The following NFILZ variants were observed in gnomAD, a reference collection of about 807,000 sequenced individuals.
NFILZ encodes NFIL3 like protein.
chr19:8,647,748 A>AACACACACACAC (rs138740763), intron 3 of NFILZ, among the ~76,000 whole-genome samples: 1,455 of 135,370 alleles, frequency 0.011, 6 homozygotes, highest in Middle Eastern at 0.016. Context: ...GGAGGGGAAC[A>AACACACACACAC]ACACACACAC....
Position 8,663,744 on chromosome 19 carries a change from G to GTGTGTGTATGTGTGTGTA in NFILZ, c.-163-10800_-163-10799insATGTGTGTGTATGTGTGT, listed in dbSNP as rs1555749452. Among the ~76,000 whole-genome samples, 112 of 121,866 alleles carry GTGTGTGTATGTGTGTGTA rather than the reference G, an allele frequency of 9.2e-4. 1 individual carries two copies. Among genetic ancestry groups the GTGTGTGTATGTGTGTGTA allele is most frequent in the African/African-American group, 1.5e-3 (57 of 37,880 alleles). 79.9% of individuals were successfully genotyped at this position (121,866 alleles called of 152,430 possible). A position where few individuals can be genotyped will look rare whatever the true frequency, so the allele number is the denominator to read the frequency against. On this transcript the variant is annotated intron_variant, in intron 3 of 5. Coordinates refer to ENST00000691075, the MANE Select transcript of NFILZ (RefSeq NM_001378600.1). Reference sequence around the variant, plus strand: ...TGTTTGTGTGTGTGTGTGTGTGTGTGTGTGTGTGTGTGTGTGTGTGTGTGT... The same window carrying GTGTGTGTATGTGTGTGTA: ...TGTTTGTGTGTGTGTGTGTGTGTGTGTGTGTGTATGTGTGTGTATGTGTGTGTGTGTGTGTGTGTGTGT...
chr19:8,649,677 G>C (rs1189273951), intron 3 of NFILZ, among the ~76,000 whole-genome samples: 1 of 151,978 alleles, frequency 6.6e-6, no homozygotes, highest in East Asian at 1.9e-4. Context: ...CCCAGTCCCT[G>C]GGCAGGGTGG....
At chr19:8,656,318 TC>T (rs1555748377) in intron 3 of NFILZ, among the ~76,000 whole-genome samples, 2 of 85,262 alleles carry the variant, frequency 2.3e-5, no homozygotes, top group African/African-American at 7.0e-5. Flanking sequence ...GCGCACCTCC[TC>T]CCTGAAGCCC....
intron 3 of NFILZ, among the ~76,000 whole-genome samples, chr19:8,640,791 G>A (rs1216282827): frequency 6.6e-6 from 1 of 152,184 alleles, no homozygotes; most frequent in Non-Finnish European, 1.5e-5. Context: ...AGAGGTCAAA[G>A]TTACAGCAAC....
At chr19:8,648,983 G>T (rs1169415308) in intron 3 of NFILZ, among the ~76,000 whole-genome samples, 1 of 152,038 alleles carries the variant, frequency 6.6e-6, no homozygotes, top group Non-Finnish European at 1.5e-5. Flanking sequence ...TTAGTTTTGA[G>T]ACATGATCTT....
chr19:8,647,574 G>A (rs2042944098), intron 3 of NFILZ, among the ~76,000 whole-genome samples: 1 of 138,786 alleles, frequency 7.2e-6, no homozygotes, highest in African/African-American at 2.6e-5. Context: ...TTCTGTCCCC[G>A]CACCCCCCCC....
intron 3 of NFILZ, among the ~76,000 whole-genome samples, chr19:8,661,285 C>T (rs1315807569): frequency 6.6e-6 from 1 of 151,596 alleles, no homozygotes; most frequent in Admixed American, 6.6e-5. Flanking sequence ...ACCTCAGCCT[C>T]CCAAGTAGTT....
intron 3 of NFILZ, among the ~76,000 whole-genome samples, chr19:8,650,161 G>A (rs3098391): frequency 0.05 from 7,210 of 145,228 alleles, 419 homozygotes; most frequent in East Asian, 0.33. Flanking sequence ...TACAGCTGAG[G>A]TTTTTTTTTT....
chr19:8,646,052 G>A (rs2340540), intron 3 of NFILZ, among the ~76,000 whole-genome samples: 2 of 147,474 alleles, frequency 1.4e-5, no homozygotes, highest in Non-Finnish European at 3.0e-5. Flanking sequence ...TTTTTTTTTG[G>A]GGGGGATGGA....
intron 3 of NFILZ, among the ~76,000 whole-genome samples, chr19:8,663,752 G>GTGTGTATGTGTGTGTGTATGTGTGTA (rs2043047407): frequency 7.8e-6 from 1 of 127,752 alleles, no homozygotes; most frequent in Non-Finnish European, 1.7e-5. Context: ...GTGTGTGTGT[G>GTGTGTATGTGTGTGTGTATGTGTGTA]TGTGTGTGTG....
chr19:8,636,445 C>CT (rs1191329112), intron 3 of NFILZ, among the ~76,000 whole-genome samples: 70,231 of 104,264 alleles, frequency 0.67, 24,175 homozygotes, highest in South Asian at 0.79. Context: ...GAGACTCCAT[C>CT]TTTTTTTTTT....
At chr19:8,635,232 C>T (rs576068870) in intron 2 of NFILZ, among the ~76,000 whole-genome samples, 3 of 151,284 alleles carry the variant, frequency 2.0e-5, no homozygotes, top group African/African-American at 7.3e-5. Context: ...ATCGCTTGAA[C>T]CTGGGAGGCG....
In NFILZ at chr19:8,679,575, G is replaced by A. The variant is rs1026189578; in HGVS notation, c.*1940G>A. 2.0e-5 allele frequency among the ~76,000 whole-genome samples: 3 copies of A among 152,044 alleles called. No homozygotes were observed. The highest frequency in any genetic ancestry group is 6.5e-5 in the Admixed American group (1 of 15,272). The stretch of plus-strand genomic sequence containing the variant: ...CTCTCTCTCACTAGTACAACAGGTG[G>A]GCAGTATCACCAAACAGGCCAAGAG... On this transcript the variant is annotated 3_prime_UTR_variant, in exon 6 of 6. Coordinates refer to ENST00000691075, the MANE Select transcript of NFILZ (RefSeq NM_001378600.1).
rs1227404364 is a variant in NFILZ, at chr19:8,647,801, A to G, written c.-164+12055A>G. ...CATGCGCGCGCGCGCGCGCGCACAC[A>G]CACACACACACACACACACACACAC... On this transcript the variant is annotated intron_variant, in intron 3 of 5. Transcript: ENST00000691075. Among the ~76,000 whole-genome samples, 192 of 100,770 alleles carry G rather than the reference A, an allele frequency of 1.9e-3. No individual in the cohort carries two copies. In the East Asian group the frequency reaches 0.024, roughly 13 times the overall value. 66.1% of individuals were successfully genotyped at this position (100,770 alleles called of 152,430 possible). A position where few individuals can be genotyped will look rare whatever the true frequency, so the allele number is the denominator to read the frequency against.
intron 3 of NFILZ, among the ~76,000 whole-genome samples, chr19:8,656,495 C>CTCTGAAG (rs1171486642): frequency 2.9e-5 from 3 of 104,642 alleles, no homozygotes; most frequent in African/African-American, 1.2e-4. Context: ...CCCACCTTCT[C>CTCTGAAG]CCGCAGCCCA....
intron 3 of NFILZ, among the ~76,000 whole-genome samples, chr19:8,669,596 C>T (rs2043077947): frequency 6.6e-6 from 1 of 152,218 alleles, no homozygotes; most frequent in Non-Finnish European, 1.5e-5. Flanking sequence ...AACCTCTACC[C>T]TTCAGAGGTG....
In NFILZ at chr19:8,656,336, T is replaced by TCCTC. The variant is rs2042996176; in HGVS notation, c.-163-18212_-163-18211insCCCT. ...CACCTCCTCCCTGAAGCCCCCTTCT[T>TCCTC]CCTGAAGCCCACCTCTTCCCTGAAG... On this transcript the variant is annotated intron_variant, in intron 3 of 5. Transcript: ENST00000691075. Among the ~76,000 whole-genome samples, 44 of 44,506 alleles carry TCCTC rather than the reference T, an allele frequency of 9.9e-4. 3 individuals are homozygous for TCCTC. Among genetic ancestry groups the TCCTC allele is most frequent in the South Asian group, 1.5e-3 (2 of 1,372 alleles). The allele number at this position is 44,506 out of a possible 152,430, so 29.2% of individuals were successfully genotyped here. A position where few individuals can be genotyped will look rare whatever the true frequency, so the allele number is the denominator to read the frequency against.
chr19:8,666,045 CTT>C (rs35290862), intron 3 of NFILZ, among the ~76,000 whole-genome samples: 1 of 146,430 alleles, frequency 6.8e-6, no homozygotes, highest in Admixed American at 6.9e-5. Flanking sequence ...TTTTTCTCAC[CTT>C]TTTTTTTTTG....
At chr19:8,662,785 C>T (rs138842574) in intron 3 of NFILZ, among the ~76,000 whole-genome samples, 43 of 149,350 alleles carry the variant, frequency 2.9e-4, no homozygotes, top group African/African-American at 6.9e-4. Context: ...TACAGGCACC[C>T]GCCACCATGC....
Sources: allele counts gnomAD v4.1 joint callset (sites outside exome capture counted in the v4.1 genomes callset), GRCh38; gene constraint gnomAD v4.1.1; transcripts MANE v1.5; gene names NCBI Gene and HGNC (gene_info 2026-07-23, HGNC 2026-07-21).